Variants in PALM2AKAP2 observed in about 807,000 individuals in gnomAD.
PALM2AKAP2 encodes PALM2-AKAP2 fusion protein.
PALM2AKAP2 carries 37 observed loss-of-function variants against 71.5 expected under a neutral mutation model. That is an observed-to-expected ratio of 0.52 (90% CI 0.40 to 0.68). The LOEUF is 0.68. PALM2AKAP2 is among the 30% of genes least tolerant of loss of function. The pLI, the probability that PALM2AKAP2 is intolerant of heterozygous loss-of-function variation, is 0.00. For synonymous variants in PALM2AKAP2, 468 were observed against 478.8 expected (o/e 0.98, Z 0.29); for missense variants, 1,224 against 1,191.8 (o/e 1.03, Z -0.40).
intron 1 of PALM2AKAP2, among the ~76,000 whole-genome samples, chr9:110,126,722 G>A (rs1231184366): frequency 2.0e-5 from 3 of 152,196 alleles, no homozygotes; most frequent in Non-Finnish European, 1.5e-5. Context: ...AAAGGCAACA[G>A]CAGCTTCCTT....
At chr9:109,849,450 CAAA>C (rs1434944947) in intron 1 of PALM2AKAP2, among the ~76,000 whole-genome samples, 1 of 152,004 alleles carries the variant, frequency 6.6e-6, no homozygotes, top group Non-Finnish European at 1.5e-5. Context: ...TTTCACATGT[CAAA>C]AAACAAAACC....
At chr9:109,904,215 C>T (rs146812827) in intron 3 of PALM2AKAP2, among the ~76,000 whole-genome samples, 540 of 152,250 alleles carry the variant, frequency 3.5e-3, no homozygotes, top group South Asian at 7.9e-3. Context: ...ATTCCATATG[C>T]ATCATTATAA....
intron 1 of PALM2AKAP2, among the ~76,000 whole-genome samples, chr9:109,678,837 A>G (rs1827685670): frequency 6.6e-6 from 1 of 152,188 alleles, no homozygotes; most frequent in African/African-American, 2.4e-5. Context: ...GGTGGCTGAA[A>G]ATCAATATGT....
exon 2 of PALM2AKAP2, chr9:109,867,537 T>G: frequency 1.2e-6 from 2 of 1,613,032 alleles, no homozygotes; most frequent in Non-Finnish European, 1.7e-6. Context: ...CGACAACAGC[T>G]TGACGAGCAG....
intron 6 of PALM2AKAP2, among the ~76,000 whole-genome samples, chr9:109,979,297 G>T (rs1832226041): frequency 6.6e-6 from 1 of 152,098 alleles, no homozygotes; most frequent in African/African-American, 2.4e-5. Flanking sequence ...CTGGTCTCAG[G>T]TCTCCTCTTT....
At chr9:109,725,720 T>TA (rs1828465190) in intron 1 of PALM2AKAP2, among the ~76,000 whole-genome samples, 1 of 152,136 alleles carries the variant, frequency 6.6e-6, no homozygotes, top group Admixed American at 6.5e-5. Context: ...AAAGAGTACA[T>TA]AAAAAAGCAA....
intron 1 of PALM2AKAP2, among the ~76,000 whole-genome samples, chr9:109,674,204 T>C (rs999968284): frequency 6.6e-6 from 1 of 152,006 alleles, no homozygotes; most frequent in African/African-American, 2.4e-5. Flanking sequence ...ATATCTTTCC[T>C]AAGTTTTCTT....
chr9:109,983,395 T>G (rs1832312684), intron 6 of PALM2AKAP2, among the ~76,000 whole-genome samples: 1 of 152,164 alleles, frequency 6.6e-6, no homozygotes, highest in Non-Finnish European at 1.5e-5. Flanking sequence ...TCATGCTCTC[T>G]CTCTTCTTTT....
intron 6 of PALM2AKAP2, among the ~76,000 whole-genome samples, chr9:109,971,283 C>CTTTTTTTTTTTTT (rs11392589): frequency 6.6e-5 from 3 of 45,678 alleles, no homozygotes; most frequent in East Asian, 5.3e-4. Flanking sequence ...CTCTTAGTCC[C>CTTTTTTTTTTTTT]TTTTTTTTTT....
intron 3 of PALM2AKAP2, among the ~76,000 whole-genome samples, chr9:109,914,921 G>C (rs1399574900): frequency 1.3e-5 from 2 of 152,124 alleles, no homozygotes; most frequent in South Asian, 2.1e-4. Context: ...TCCTCTTTTA[G>C]TTGGTGCTGA....
At chr9:110,138,020 A>G in exon 2 of PALM2AKAP2, 1 of 1,594,234 alleles carries the variant, frequency 6.3e-7, no homozygotes, top group Non-Finnish European at 8.6e-7. Flanking sequence ...CAAAACCAGC[A>G]GGGATGGAGC....
intron 1 of PALM2AKAP2, among the ~76,000 whole-genome samples, chr9:109,826,323 C>T (rs896131213): frequency 6.6e-6 from 1 of 151,856 alleles, no homozygotes; most frequent in African/African-American, 2.4e-5. Flanking sequence ...ATGTAACAAA[C>T]CTGCACGTTG....
intron 1 of PALM2AKAP2, among the ~76,000 whole-genome samples, chr9:110,104,084 A>G (rs1835060258): frequency 6.9e-6 from 1 of 144,064 alleles, no homozygotes; most frequent in African/African-American, 2.6e-5. Flanking sequence ...AGTTCCCCAT[A>G]TGCTGGTTTG....
intron 3 of PALM2AKAP2, among the ~76,000 whole-genome samples, chr9:109,891,386 AT>A (rs1240991260): frequency 1.3e-5 from 2 of 152,176 alleles, no homozygotes; most frequent in East Asian, 3.9e-4. Flanking sequence ...AGGTTATGCC[AT>A]TTTCCCCCAT....
At chr9:109,842,277 A>C (rs1198889388) in intron 1 of PALM2AKAP2, among the ~76,000 whole-genome samples, 3 of 152,194 alleles carry the variant, frequency 2.0e-5, no homozygotes, top group Non-Finnish European at 4.4e-5. Flanking sequence ...ACTCAACAAG[A>C]AATTAGGCTT....
intron 1 of PALM2AKAP2, among the ~76,000 whole-genome samples, chr9:109,733,219 T>C (rs902674403): frequency 6.6e-6 from 1 of 152,182 alleles, no homozygotes; most frequent in African/African-American, 2.4e-5. Flanking sequence ...GGGAAAAATA[T>C]ATCCCTTACC....
intron 1 of PALM2AKAP2, among the ~76,000 whole-genome samples, chr9:110,135,871 T>C (rs1248042176): frequency 6.6e-6 from 1 of 152,220 alleles, no homozygotes; most frequent in Non-Finnish European, 1.5e-5. Context: ...TGATGTAATC[T>C]CTTCCACCTT....
intron 6 of PALM2AKAP2, among the ~76,000 whole-genome samples, chr9:110,000,918 T>C (rs1362479891): frequency 2.6e-5 from 4 of 152,230 alleles, no homozygotes; most frequent in Admixed American, 2.0e-4. Context: ...TATTAGCCCT[T>C]CATCAGATGA....
intron 1 of PALM2AKAP2, among the ~76,000 whole-genome samples, chr9:110,119,341 CAA>C (rs200861093): frequency 0.22 from 19,889 of 88,492 alleles, 1,581 homozygotes; most frequent in East Asian, 0.49. Context: ...GACTCCATCT[CAA>C]AAAAAAAAAA....
Sources: gnomAD v4.1 joint callset for allele counts (sites outside exome capture counted in the v4.1 genomes callset) on GRCh38, gnomAD v4.1.1 for gene constraint, MANE v1.5 for transcripts, NCBI Gene and HGNC (gene_info 2026-07-23, HGNC 2026-07-21) for gene names.